SGCZ: variants seen among roughly 807,000 people sequenced by gnomAD.
SGCZ encodes zeta-sarcoglycan.
In SGCZ, 40 loss-of-function variants were observed where a neutral mutation model predicts 41.3. The ratio of observed to expected loss-of-function variants is 0.97; its 90% CI spans 0.75 to 1.26. The LOEUF is 1.26. SGCZ is among the 50% of genes most tolerant of loss of function. The pLI, the probability that SGCZ is intolerant of heterozygous loss-of-function variation, is 0.00. For synonymous variants in SGCZ, 206 were observed against 137.5 expected, an observed-to-expected ratio of 1.50 and a Z score of -3.49; for missense variants, 552 against 369.8, an observed-to-expected ratio of 1.49 and a Z score of -4.04.
intron 1 of SGCZ, among the ~76,000 whole-genome samples, chr8:15,137,136 TG>T (rs1808137826): frequency 1.3e-5 from 2 of 152,232 alleles, no homozygotes; most frequent in South Asian, 4.1e-4. Context: ...ATAAGGAACT[TG>T]TTAGGAAGTA....
chr8:14,142,673 C>G (rs1803407067), intron 5 of SGCZ, among the ~76,000 whole-genome samples: 1 of 152,116 alleles, frequency 6.6e-6, no homozygotes, highest in African/African-American at 2.4e-5. Context: ...CCACCCAAAT[C>G]TCATGTTGAA....
At chr8:14,211,405 T>G (rs17278416) in intron 4 of SGCZ, among the ~76,000 whole-genome samples, 36,221 of 152,108 alleles carry the variant, frequency 0.24, 5,544 homozygotes, top group Non-Finnish European at 0.34. Context: ...ACTTATGATG[T>G]CCCAGCAAAG....
intron 3 of SGCZ, among the ~76,000 whole-genome samples, chr8:14,241,495 A>T (rs1585268808): frequency 2.0e-5 from 3 of 148,708 alleles, no homozygotes; most frequent in Middle Eastern, 3.6e-3. Context: ...TAGCATCTAC[A>T]TAAAACAATA....
intron 3 of SGCZ, among the ~76,000 whole-genome samples, chr8:14,269,919 G>C (rs1168547302): frequency 6.6e-6 from 1 of 152,098 alleles, no homozygotes; most frequent in Non-Finnish European, 1.5e-5. Context: ...AATTTAACAA[G>C]TCTTTGTTAA....
intron 1 of SGCZ, among the ~76,000 whole-genome samples, chr8:14,573,121 G>A (rs1269148399): frequency 6.6e-6 from 1 of 150,528 alleles, no homozygotes; most frequent in Non-Finnish European, 1.5e-5. Context: ...ACTTCAGATA[G>A]CAAATAAGCA....
chr8:14,275,488 A>G (rs547166848), intron 3 of SGCZ, among the ~76,000 whole-genome samples: 1 of 152,188 alleles, frequency 6.6e-6, no homozygotes, highest in East Asian at 1.9e-4. Context: ...AAAGGGAGGC[A>G]TATTCCCTTT....
chr8:14,528,830 A>AC (rs1256210096), intron 2 of SGCZ, among the ~76,000 whole-genome samples: 2 of 78,232 alleles, frequency 2.6e-5, no homozygotes, highest in Non-Finnish European at 4.8e-5. Flanking sequence ...GACCAGCCAA[A>AC]AAAAAAACAA....
chr8:15,237,709 C>G lies in SGCZ; in HGVS notation c.-86G>C, dbSNP rs1255749842. On this transcript the variant is annotated 5_prime_UTR_variant, in exon 1 of 8. Coordinates refer to ENST00000382080, the MANE Select transcript of SGCZ (RefSeq NM_139167.4). ...CTTTTAGTTTCCAGCTTAAACTCAG[C>G]TTTATCCTCCTCCAAGCCCCGGCAG... 8 of 1,435,732 alleles carry G rather than the reference C, an allele frequency of 5.6e-6. No individual in the cohort carries two copies. Among genetic ancestry groups the G allele is most frequent in the Non-Finnish European group, 4.8e-6 (5 of 1,043,204 alleles). The allele number at this position is 1,435,732 out of a possible 1,614,324, so 88.9% of individuals were successfully genotyped here. A position where few individuals can be genotyped will look rare whatever the true frequency, so the allele number is the denominator to read the frequency against.
intron 2 of SGCZ, among the ~76,000 whole-genome samples, chr8:14,508,860 A>G (rs1011598749): frequency 2.0e-5 from 3 of 152,166 alleles, no homozygotes; most frequent in Non-Finnish European, 4.4e-5. Context: ...GGATGATTAC[A>G]TTTTTGGGTG....
At chr8:14,858,996 G>A (rs772145759) in intron 1 of SGCZ, among the ~76,000 whole-genome samples, 1 of 151,928 alleles carries the variant, frequency 6.6e-6, no homozygotes, top group Admixed American at 6.6e-5. Flanking sequence ...TTGAAAAAAA[G>A]ACCTAATATT....
chr8:14,455,568 C>T (rs1431550161), intron 2 of SGCZ, among the ~76,000 whole-genome samples: 1 of 152,038 alleles, frequency 6.6e-6, no homozygotes, highest in Non-Finnish European at 1.5e-5. Flanking sequence ...GATCGATCTC[C>T]ATTCTTGCTT....
At chr8:15,123,329 T>C (rs1032076069) in intron 1 of SGCZ, among the ~76,000 whole-genome samples, 4 of 152,224 alleles carry the variant, frequency 2.6e-5, no homozygotes, top group Non-Finnish European at 4.4e-5. Flanking sequence ...TCGCTTTTCA[T>C]ATTCAGGCCT....
intron 2 of SGCZ, among the ~76,000 whole-genome samples, chr8:14,391,495 A>T (rs1017790841): frequency 6.6e-6 from 1 of 152,068 alleles, no homozygotes; most frequent in Non-Finnish European, 1.5e-5. Flanking sequence ...GCCCATAAGG[A>T]CTACTGATAT....
chr8:15,077,456 C>T (rs1353378327), intron 1 of SGCZ, among the ~76,000 whole-genome samples: 1 of 152,164 alleles, frequency 6.6e-6, no homozygotes, highest in Non-Finnish European at 1.5e-5. Flanking sequence ...CTAGACAATC[C>T]TTAACTTTTT....
intron 1 of SGCZ, among the ~76,000 whole-genome samples, chr8:14,959,979 T>A (rs1212956866): frequency 6.6e-6 from 1 of 152,168 alleles, no homozygotes; most frequent in Admixed American, 6.6e-5. Flanking sequence ...AAGTCTTCTA[T>A]TTCAGAGCTC....
At chr8:15,208,734 G>C (rs1801148419) in intron 1 of SGCZ, among the ~76,000 whole-genome samples, 2 of 152,140 alleles carry the variant, frequency 1.3e-5, no homozygotes, top group South Asian at 4.1e-4. Flanking sequence ...ATGAAACCTT[G>C]AGCAAGTTAC....
At chr8:14,566,258 G>C (rs1477933494) in intron 1 of SGCZ, among the ~76,000 whole-genome samples, 2 of 152,126 alleles carry the variant, frequency 1.3e-5, no homozygotes, top group African/African-American at 4.8e-5. Context: ...TTTTAAAAGA[G>C]AAAAAAGATA....
chr8:14,425,807 C>A (rs1286513894), intron 2 of SGCZ, among the ~76,000 whole-genome samples: 1 of 151,716 alleles, frequency 6.6e-6, no homozygotes, highest in Non-Finnish European at 1.5e-5. Context: ...TAATCCCAAG[C>A]TAATAAAATG....
At chr8:14,518,246 T>G (rs936150284) in intron 2 of SGCZ, among the ~76,000 whole-genome samples, 1 of 152,004 alleles carries the variant, frequency 6.6e-6, no homozygotes, top group Non-Finnish European at 1.5e-5. Context: ...TTGTTGGATT[T>G]CAAAAGCTAA....
Sources: gnomAD v4.1 joint callset for allele counts (sites outside exome capture counted in the v4.1 genomes callset) on GRCh38, gnomAD v4.1.1 for gene constraint, MANE v1.5 for transcripts, NCBI Gene and HGNC (gene_info 2026-07-23, HGNC 2026-07-21) for gene names.